ATG2A: variants seen among roughly 807,000 people sequenced by gnomAD.
The protein encoded by ATG2A is autophagy-related protein 2 homolog A.
ATG2A carries 103 observed loss-of-function variants against 214.2 expected under a neutral mutation model. That is an observed-to-expected ratio of 0.48 (90% CI 0.41 to 0.57). The LOEUF (loss-of-function observed/expected upper bound fraction) is 0.57, where lower values mean the gene tolerates loss of function less well. ATG2A is among the 20% of genes least tolerant of loss of function. The pLI is 0.00. For missense variants in ATG2A, 2,312 were observed against 2,613.2 expected, an observed-to-expected ratio of 0.88 and a Z score of 2.51; for synonymous variants, 1,160 against 1,142.1, an observed-to-expected ratio of 1.02 and a Z score of -0.32.
intron 1 of ATG2A, 123 bp downstream of exon 1, chr11:64,916,842 C>A: frequency 7.2e-7 from 1 of 1,385,656 alleles, no homozygotes; most frequent in Non-Finnish European, 9.7e-7. Flanking sequence ...CTGGAGAGGG[C>A]AAGATTCCCC....
intron 24 of ATG2A, among the ~76,000 whole-genome samples, chr11:64,904,168 C>G (rs896849206): frequency 6.6e-6 from 1 of 151,786 alleles, no homozygotes; most frequent in African/African-American, 2.4e-5. Flanking sequence ...ATCTCTTGAA[C>G]TAGGGAGGCA....
intron 16 of ATG2A, among the ~76,000 whole-genome samples, chr11:64,908,107 C>G (rs1233370944): frequency 6.6e-6 from 1 of 152,228 alleles, no homozygotes; most frequent in Admixed American, 6.5e-5. Flanking sequence ...TTCATCCTCA[C>G]AACAGGCCTG....
chr11:64,913,341 A>C lies in ATG2A; in HGVS notation c.651T>G (p.His217Gln). 6.2e-7 allele frequency: 1 copy of C among 1,606,146 alleles called. No individual in the cohort carries two copies. Among genetic ancestry groups the C allele is most frequent in the Non-Finnish European group, 8.5e-7 (1 of 1,177,514 alleles). The change falls in exon 5 of 41, where the codon CAT becomes CAG. Residue 217 changes from histidine (H) to glutamine (Q), a missense_variant. Coordinates refer to ENST00000377264, the MANE Select transcript of ATG2A (RefSeq NM_015104.3). The surrounding 1 kb of genome is among the most constrained non-coding windows in gnomAD (Gnocchi z 4.3). ...DPSQAPPVDV[H>Q]QPPAFLHKLL... ...GCTTGTGCAGGAAGGCAGGCGGCTGATGCACGTCCACCGGCGGCGCCTGGC... is the reference window on the plus strand; with the variant it reads ...GCTTGTGCAGGAAGGCAGGCGGCTGCTGCACGTCCACCGGCGGCGCCTGGC...
chr11:64,916,905 G>T, intron 1 of ATG2A, 60 bp downstream of exon 1: 1 of 1,594,224 alleles, frequency 6.3e-7, no homozygotes, highest in Non-Finnish European at 8.5e-7. Flanking sequence ...GCCGCAGGGA[G>T]CCTCAGGTCG....
intron 30 of ATG2A, 51 bp from the exon 31 acceptor site, chr11:64,900,680 C>T (rs753855881): frequency 1.3e-6 from 2 of 1,529,710 alleles, no homozygotes; most frequent in South Asian, 2.5e-5. Context: ...CCATTCCCTC[C>T]CCGTCCTCAG....
At chr11:64,901,322 T>G (rs1303819188) in intron 29 of ATG2A, among the ~76,000 whole-genome samples, 1 of 152,206 alleles carries the variant, frequency 6.6e-6, no homozygotes, top group Non-Finnish European at 1.5e-5. Flanking sequence ...TAGCAGGGAC[T>G]GCAGACATGT....
chr11:64,916,795 A>C, intron 1 of ATG2A, 170 bp downstream of exon 1: 2 of 824,886 alleles, frequency 2.4e-6, no homozygotes, highest in Non-Finnish European at 1.8e-6. Flanking sequence ...TGGCTCTGGT[A>C]AGGAACTGAA....
intron 37 of ATG2A, 50 bp downstream of exon 37, chr11:64,897,362 A>G (rs1944189683): frequency 6.5e-7 from 1 of 1,542,796 alleles, no homozygotes; most frequent in South Asian, 1.2e-5. Flanking sequence ...GGACCAGAAC[A>G]GAAGGAAGAT....
Position 64,909,832 on chromosome 11 carries a change from C to T in ATG2A, c.1956G>A (p.Leu652=), listed in dbSNP as rs1236113178. Residue 652 remains leucine (L), a synonymous_variant, in exon 14 of 41, where the codon CTG becomes CTA. Coordinates refer to ENST00000377264, the MANE Select transcript of ATG2A (RefSeq NM_015104.3). ...TLRLRFPIAD[L]RPEPDPWAGQ... ...CCGCCCAGGGGTCCGGCTCAGGCCG[C>T]AGGTCGGCAATGGGGAAGCGCAGCC... is the stretch of plus-strand genomic sequence containing the variant. The T allele has an allele frequency of 6.2e-7, 1 of 1,610,828 alleles. No individual in the cohort carries two copies. Among genetic ancestry groups the T allele is most frequent in the Non-Finnish European group, 8.5e-7 (1 of 1,179,254 alleles).
intron 24 of ATG2A, among the ~76,000 whole-genome samples, chr11:64,905,228 T>G (rs776254563): frequency 2.9e-4 from 44 of 152,212 alleles, no homozygotes; most frequent in Non-Finnish European, 5.6e-4. Context: ...AGGTGGGCCA[T>G]GCTTATTTGC....
rs1945015116 is a variant in ATG2A at position 64,917,000 on chromosome 11, T to G, written c.136A>C (p.Ser46Arg). ...AGGTGGATGTCTCGCAGGGCAACGC[T>G]GCCCTTGTACAGATCGAGGCTGAGC... Reference protein sequence around the residue: ...DQLSLDLYKGSVALRDIHLEI... With the variant: ...DQLSLDLYKGRVALRDIHLEI... The change falls in exon 1 of 41, where the codon AGC becomes CGC. Residue 46 changes from serine (S) to arginine (R), a missense_variant. By Grantham distance (110) the Ser-to-Arg change is moderately radical. Coordinates refer to ENST00000377264, the MANE Select transcript of ATG2A (RefSeq NM_015104.3). 3.1e-6 allele frequency: 5 copies of G among 1,613,788 alleles called. No homozygotes were observed. The highest frequency in any genetic ancestry group is 4.2e-6 in the Non-Finnish European group (5 of 1,180,000).
At position 64,902,347 on chromosome 11, in the gene ATG2A, C is replaced by A; in HGVS notation, c.3817G>T (p.Val1273Leu). 7.5e-6 allele frequency: 12 copies of A among 1,604,050 alleles called. No individual in the cohort carries two copies. The highest frequency in any genetic ancestry group is 1.0e-5 in the Non-Finnish European group (12 of 1,176,190). Residue 1273 changes from valine (V) to leucine (L), a missense_variant, in exon 28 of 41, where the codon GTG becomes TTG. Physicochemically the swap from Val to Leu is conservative, Grantham distance 32 (BLOSUM62 1). Coordinates refer to ENST00000377264, the MANE Select transcript of ATG2A (RefSeq NM_015104.3). ...SPASLPSCPP[V>L]ETALINQRDL... ...CGCTGGTTGATGAGGGCCGTCTCCA[C>A]TGGGGGGCACGAGGGCAGAGAGGCA...
chr11:64,902,206 GC>G (rs1565746994), intron 28 of ATG2A, 30 bp from the exon 29 acceptor site: 5 of 1,612,642 alleles, frequency 3.1e-6, no homozygotes, highest in Non-Finnish European at 4.2e-6. Flanking sequence ...TTGGAGAGGC[GC>G]CCACAGTGGG....
In ATG2A at chr11:64,898,552, G is replaced by C; in HGVS notation, c.4671+84C>G. ...GGTGTTTGTGTGGGAATGCGTGTAT[G>C]TGTGTGAATCCATGCATGCGTGAAG... On this transcript the variant is annotated intron_variant, in intron 32 of 40. Coordinates refer to ENST00000377264, the MANE Select transcript of ATG2A (RefSeq NM_015104.3). This position sits in a 1 kb window ranked among gnomAD's most constrained non-coding sequence, Gnocchi z 4.5. 1 of 1,483,040 alleles carries C rather than the reference G, an allele frequency of 6.7e-7. No individual in the cohort carries two copies. The highest frequency in any genetic ancestry group is 9.4e-7 in the Non-Finnish European group (1 of 1,068,242). 91.9% of individuals were successfully genotyped at this position (1,483,040 alleles called of 1,614,324 possible).
At chr11:64,900,666 A>T (rs1306702174) in intron 30 of ATG2A, 37 bp from the exon 31 acceptor site, 1 of 1,556,258 alleles carries the variant, frequency 6.4e-7, no homozygotes, top group Non-Finnish European at 8.7e-7. Flanking sequence ...GACTCAGAGG[A>T]ACCCCATTCC....
intron 37 of ATG2A, 101 bp from the exon 38 acceptor site, chr11:64,896,970 G>T (rs186029133): frequency 1.1e-3 from 1,611 of 1,498,368 alleles, no homozygotes; most frequent in Admixed American, 1.4e-3. Flanking sequence ...CAAGTACTGT[G>T]GGCACTCTAC....
rs770355694 is a variant in ATG2A, at chr11:64,910,723, G to A, written c.1615-15C>T. 1.9e-5 allele frequency: 30 copies of A among 1,609,564 alleles called. No homozygotes were observed. The highest frequency in any genetic ancestry group is 4.4e-5 in the South Asian group (4 of 90,390). On this transcript the variant is annotated splice_polypyrimidine_tract_variant and intron_variant, in intron 11 of 40. Coordinates refer to ENST00000377264, the MANE Select transcript of ATG2A (RefSeq NM_015104.3). ...AAGGTCAGGATCTGGGATGGGACCCGGGAGGCACACAGGGTCAGGCCTGGC... is the reference window on the plus strand; with the variant it reads ...AAGGTCAGGATCTGGGATGGGACCCAGGAGGCACACAGGGTCAGGCCTGGC...
intron 14 of ATG2A, 100 bp from the exon 15 acceptor site, chr11:64,909,467 C>A: frequency 7.1e-7 from 1 of 1,413,534 alleles, no homozygotes. Context: ...CGACTCCACA[C>A]ACACCTTGGT....
chr11:64,913,067 T>C lies in ATG2A; in HGVS notation c.796A>G (p.Lys266Glu). 1 of 1,568,590 alleles carries C rather than the reference T, an allele frequency of 6.4e-7. No individual in the cohort carries two copies. The highest frequency in any genetic ancestry group is 8.6e-7 in the Non-Finnish European group (1 of 1,156,108). ...SGYMELMVKL[K>E]QNEAFPGPKL... ...GGGCCAGGGAAGGCCTCATTTTGCT[T>C]CAACTTCACCATCAGCTCCATGTAC... Residue 266 changes from lysine to glutamate, a missense_variant, in exon 6 of 41, where the codon AAG (lysine) becomes GAG (glutamate). Physicochemically the swap from Lys to Glu is moderately conservative, Grantham distance 56. Coordinates refer to ENST00000377264, the MANE Select transcript of ATG2A (RefSeq NM_015104.3). This position sits in a 1 kb window ranked among gnomAD's most constrained non-coding sequence, Gnocchi z 4.3.
Sources: allele counts gnomAD v4.1 joint callset (sites outside exome capture counted in the v4.1 genomes callset), GRCh38; gene constraint gnomAD v4.1.1; non-coding constraint Gnocchi (gnomAD v3.1); transcripts MANE v1.5; gene names NCBI Gene and HGNC (gene_info 2026-07-23, HGNC 2026-07-21).